The following NTNG1 variants were observed in gnomAD, a reference collection of about 807,000 sequenced individuals.
NTNG1 encodes the protein netrin G1, also known as netrin-G1.
In NTNG1, 16 loss-of-function variants were observed where a neutral mutation model predicts 54.0. The observed-to-expected ratio is 0.30, with a 90% confidence interval of 0.20 to 0.45. The LOEUF is 0.45. Among genes scored for constraint, NTNG1 ranks in the 20% least tolerant of loss-of-function variants. The pLI is 1.00. For missense variants in NTNG1, 530 were observed against 678.7 expected (o/e 0.78, Z 2.43); for synonymous variants, 255 against 263.1 (o/e 0.97, Z 0.30).
chr1:107,301,050 A>G (rs1009908093), intron 2 of NTNG1, among the ~76,000 whole-genome samples: 5 of 152,098 alleles, frequency 3.3e-5, no homozygotes, highest in Admixed American at 6.6e-5. Context: ...AAAAAATTCT[A>G]TATCTGACCC....
intron 7 of NTNG1, among the ~76,000 whole-genome samples, chr1:107,462,559 C>A (rs896882388): frequency 6.6e-6 from 1 of 152,200 alleles, no homozygotes; most frequent in African/African-American, 2.4e-5. Context: ...TTAATTTAAA[C>A]CTCACCTTCC....
rs901635250 is a variant in NTNG1, at chr1:107,257,866, A to G, written c.247-66416A>G. 1.7e-4 allele frequency among the ~76,000 whole-genome samples: 26 copies of G among 152,338 alleles called. No individual in the cohort carries two copies. In the South Asian group the frequency reaches 2.5e-3, roughly 15 times the overall value. Reference sequence around the variant, plus strand: ...CCAATGACCTCAGCAATGAAAAAGTATCCTACATTTCCACATTAATAATCC... The same window carrying G: ...CCAATGACCTCAGCAATGAAAAAGTGTCCTACATTTCCACATTAATAATCC... On this transcript the variant is annotated intron_variant, in intron 2 of 7. Transcript: ENST00000370068.
chr1:107,302,697 CTTTTGT>C (rs1224276600), intron 2 of NTNG1, among the ~76,000 whole-genome samples: 2 of 151,994 alleles, frequency 1.3e-5, no homozygotes, highest in African/African-American at 4.8e-5. Flanking sequence ...TAATTATCTT[CTTTTGT>C]TTTTGTTTTC....
intron 3 of NTNG1, among the ~76,000 whole-genome samples, chr1:107,334,999 G>T (rs147377795): frequency 6.6e-6 from 1 of 151,972 alleles, no homozygotes; most frequent in Non-Finnish European, 1.5e-5. Flanking sequence ...AGATCGCAAA[G>T]CTTCAGGCTT....
At chr1:107,431,104 A>G (rs1675235020) in intron 6 of NTNG1, among the ~76,000 whole-genome samples, 187 bp downstream of exon 6, 1 of 152,166 alleles carries the variant, frequency 6.6e-6, no homozygotes, top group Non-Finnish European at 1.5e-5. Context: ...GTTGGGGGAT[A>G]TACTTTGAAC....
chr1:107,285,712 G>T (rs2101743897), intron 2 of NTNG1, among the ~76,000 whole-genome samples: 1 of 152,198 alleles, frequency 6.6e-6, no homozygotes, highest in East Asian at 1.9e-4. Context: ...AACAATGAGA[G>T]GTTTATGATC....
chr1:107,441,442 T>G (rs1231272916), intron 7 of NTNG1, among the ~76,000 whole-genome samples: 1 of 152,148 alleles, frequency 6.6e-6, no homozygotes, highest in Non-Finnish European at 1.5e-5. Context: ...TCAAAAGATT[T>G]GGTGATATCA....
chr1:107,287,296 A>C (rs553526843), intron 2 of NTNG1, among the ~76,000 whole-genome samples: 1 of 152,346 alleles, frequency 6.6e-6, no homozygotes, highest in Non-Finnish European at 1.5e-5. Context: ...CAGTATTTAA[A>C]TAATTGGCAT....
At chr1:107,192,719 A>G (rs1335391134) in intron 2 of NTNG1, among the ~76,000 whole-genome samples, 1 of 152,090 alleles carries the variant, frequency 6.6e-6, no homozygotes, top group Non-Finnish European at 1.5e-5. Flanking sequence ...CTGGGTAACT[A>G]AAATGGTCTT....
chr1:107,429,427 A>T (rs890963648), intron 5 of NTNG1, among the ~76,000 whole-genome samples: 2 of 152,118 alleles, frequency 1.3e-5, no homozygotes, highest in East Asian at 3.9e-4. Context: ...TACTCTACTC[A>T]TCAAAATATA....
chr1:107,142,686 A>C (rs1653818990), intron 1 of NTNG1, among the ~76,000 whole-genome samples: 1 of 151,936 alleles, frequency 6.6e-6, no homozygotes, highest in Admixed American at 6.6e-5. Context: ...AAAAAAAAAA[A>C]AACCCAGGAA....
intron 2 of NTNG1, among the ~76,000 whole-genome samples, chr1:107,274,076 G>A (rs1461019127): frequency 6.6e-6 from 1 of 152,144 alleles, no homozygotes; most frequent in African/African-American, 2.4e-5. Flanking sequence ...ATTTGCCACT[G>A]AGTTTGTATA....
chr1:107,312,831 T>C (rs956047187), intron 2 of NTNG1, among the ~76,000 whole-genome samples: 5 of 152,166 alleles, frequency 3.3e-5, no homozygotes, highest in Non-Finnish European at 7.3e-5. Context: ...TATATGAAAA[T>C]CTTTAGCATT....
Position 107,250,467 on chromosome 1 carries a change from T to TGTTCCTGTGTTA in NTNG1, c.247-73812_247-73801dup, listed in dbSNP as rs1553210140. 2.0e-5 allele frequency among the ~76,000 whole-genome samples: 3 copies of TGTTCCTGTGTTA among 152,318 alleles called. No homozygotes were observed. In the East Asian group the frequency reaches 5.8e-4, roughly 29 times the overall value. ...TGAAAACATGTGGTGTTTGGTTTTCTGTTCCTGTGTTAGTGTGCTGACCAT... is the reference window on the plus strand; with the variant it reads ...TGAAAACATGTGGTGTTTGGTTTTCTGTTCCTGTGTTAGTTCCTGTGTTAGTGTGCTGACCAT... On this transcript the variant is annotated intron_variant, in intron 2 of 7. Transcript: ENST00000370068.
chr1:107,151,990 A>T lies in NTNG1; in HGVS notation c.246+3151A>T, dbSNP rs141239745. 8.7e-3 allele frequency among the ~76,000 whole-genome samples: 1,323 copies of T among 151,832 alleles called. 14 individuals are homozygous for T. Among genetic ancestry groups the T allele is most frequent in the African/African-American group, 0.03 (1,248 of 41,348 alleles). Reference sequence around the variant, plus strand: ...GGATAAGGAAGAGGAATATATATATATGCACACACATATATATATACACAC... The same window carrying T: ...GGATAAGGAAGAGGAATATATATATTTGCACACACATATATATATACACAC... On this transcript the variant is annotated intron_variant, in intron 2 of 7. Coordinates refer to ENST00000370068, the MANE Select transcript of NTNG1 (RefSeq NM_001113226.3).
At chr1:107,420,681 T>G (rs981794351) in intron 5 of NTNG1, among the ~76,000 whole-genome samples, 2 of 151,856 alleles carry the variant, frequency 1.3e-5, no homozygotes, top group Non-Finnish European at 2.9e-5. Context: ...GTCTAAATGG[T>G]GTATATGTCG....
At chr1:107,280,445 A>G (rs1664775443) in intron 2 of NTNG1, among the ~76,000 whole-genome samples, 1 of 151,886 alleles carries the variant, frequency 6.6e-6, no homozygotes, top group South Asian at 2.1e-4. Context: ...TTTTAATACC[A>G]TTCTCTGTTT....
intron 4 of NTNG1, among the ~76,000 whole-genome samples, chr1:107,404,858 A>G (rs542710900): frequency 6.6e-6 from 1 of 152,286 alleles, no homozygotes; most frequent in East Asian, 1.9e-4. Flanking sequence ...TATTCTTTAC[A>G]TGGTAGTTGT....
At chr1:107,422,683 A>G (rs1482251180) in intron 5 of NTNG1, among the ~76,000 whole-genome samples, 1 of 152,112 alleles carries the variant, frequency 6.6e-6, no homozygotes, top group Non-Finnish European at 1.5e-5. Flanking sequence ...CAGTGAAGGG[A>G]AAATTCTTCT....
Sources: allele counts gnomAD v4.1 joint callset (sites outside exome capture counted in the v4.1 genomes callset), GRCh38; gene constraint gnomAD v4.1.1; transcripts MANE v1.5; gene names NCBI Gene and HGNC (gene_info 2026-07-23, HGNC 2026-07-21).